Variants in SLC1A3 observed in about 807,000 individuals in gnomAD.
SLC1A3 encodes excitatory amino acid transporter 1.
In SLC1A3, 21 loss-of-function variants were observed where a neutral mutation model predicts 48.1. That is an observed-to-expected ratio of 0.44 (90% confidence interval 0.31 to 0.63). The LOEUF (loss-of-function observed/expected upper bound fraction) is 0.63, where lower values mean the gene tolerates loss of function less well. Ranked by LOEUF, SLC1A3 falls within the 20% of genes least tolerant of loss-of-function variation. SLC1A3 has a pLI of 0.08. For missense variants in SLC1A3, 546 were observed against 689.0 expected (o/e 0.79, Z 2.32); for synonymous variants, 239 against 251.4 (o/e 0.95, Z 0.47).
chr5:36,597,652 T>C (rs534224272), intron 1 of SLC1A3, among the ~76,000 whole-genome samples: 8 of 152,226 alleles, frequency 5.3e-5, no homozygotes, highest in African/African-American at 1.9e-4. Flanking sequence ...GACTTGGAAC[T>C]CTCTCCTCAG....
chr5:36,650,769 C>T (rs1357859686), intron 3 of SLC1A3, among the ~76,000 whole-genome samples: 1 of 152,210 alleles, frequency 6.6e-6, no homozygotes, highest in African/African-American at 2.4e-5. Context: ...AAAGCTGGTA[C>T]AAGTCAATTG....
intron 3 of SLC1A3, among the ~76,000 whole-genome samples, chr5:36,639,830 G>C (rs116126990): frequency 1.3e-5 from 2 of 152,140 alleles, no homozygotes; most frequent in Non-Finnish European, 2.9e-5. Context: ...AGTACGCTGC[G>C]CATGCACGCA....
At chr5:36,663,086 T>C (rs945972429) in intron 3 of SLC1A3, among the ~76,000 whole-genome samples, 1 of 152,240 alleles carries the variant, frequency 6.6e-6, no homozygotes, top group Non-Finnish European at 1.5e-5. Flanking sequence ...AGACCGAGGA[T>C]ACAGTGATTT....
intron 2 of SLC1A3, among the ~76,000 whole-genome samples, chr5:36,620,924 T>A (rs1464871938): frequency 1.3e-5 from 2 of 151,886 alleles, no homozygotes; most frequent in African/African-American, 4.8e-5. Flanking sequence ...TTTTTTTTTT[T>A]AGGCAGGGTC....
chr5:36,621,487 C>T (rs1320029292), intron 2 of SLC1A3, among the ~76,000 whole-genome samples: 1 of 152,006 alleles, frequency 6.6e-6, no homozygotes, highest in Non-Finnish European at 1.5e-5. Flanking sequence ...GGAGAGAGAT[C>T]CTGACCTAGG....
chr5:36,680,296 C>A, intron 7 of SLC1A3, 99 bp from the exon 8 acceptor site: 1 of 981,912 alleles, frequency 1.0e-6, no homozygotes, highest in Non-Finnish European at 1.6e-6. Flanking sequence ...TAAGTTAGAA[C>A]ATGGGAGAGG....
At chr5:36,628,177 A>AT (rs1008383045) in intron 2 of SLC1A3, among the ~76,000 whole-genome samples, 8 of 152,028 alleles carry the variant, frequency 5.3e-5, no homozygotes, top group East Asian at 1.9e-4. Context: ...GGTCAGCTGG[A>AT]TTTTTTTTAG....
chr5:36,614,956 G>A (rs547327694), intron 2 of SLC1A3, among the ~76,000 whole-genome samples: 2 of 152,296 alleles, frequency 1.3e-5, no homozygotes, highest in East Asian at 1.9e-4. Flanking sequence ...AAACAGAGCA[G>A]GCAATTTCAA....
chr5:36,597,251 T>TTTTTC, intron 1 of SLC1A3, among the ~76,000 whole-genome samples: 1 of 117,404 alleles, frequency 8.5e-6, no homozygotes, highest in Non-Finnish European at 1.8e-5. Context: ...TTTTTTTTTT[T>TTTTTC]TTTTTTTTTT....
At chr5:36,644,490 A>C (rs1740757901) in intron 3 of SLC1A3, among the ~76,000 whole-genome samples, 1 of 152,248 alleles carries the variant, frequency 6.6e-6, no homozygotes, top group Non-Finnish European at 1.5e-5. Context: ...GTTAATTACA[A>C]AAGTAAAGCA....
intron 3 of SLC1A3, chr5:36,667,638 A>G (rs1741807266): frequency 6.6e-6 from 1 of 152,182 alleles, no homozygotes; most frequent in Non-Finnish European, 1.5e-5. Context: ...ATTGTCATGG[A>G]ATTAAATGAC....
At chr5:36,626,639 C>T (rs539728765) in intron 2 of SLC1A3, among the ~76,000 whole-genome samples, 68 of 152,286 alleles carry the variant, frequency 4.5e-4, no homozygotes, top group African/African-American at 1.6e-3. Context: ...CAGAAAGACA[C>T]ATCATCAATT....
chr5:36,636,495 C>CTTTTT (rs1274666599), intron 3 of SLC1A3: 3 of 114,088 alleles, frequency 2.6e-5, no homozygotes, highest in African/African-American at 9.1e-5. Context: ...TTCTTTCTTT[C>CTTTTT]TTTCTTTCTT....
intron 2 of SLC1A3, among the ~76,000 whole-genome samples, chr5:36,626,094 G>A (rs1739892116): frequency 6.6e-6 from 1 of 152,158 alleles, no homozygotes; most frequent in Admixed American, 6.5e-5. Flanking sequence ...ATAAAAATTG[G>A]TTGCACTGAG....
At chr5:36,684,139 G>C in intron 9 of SLC1A3, 141 bp downstream of exon 9, 1 of 1,092,306 alleles carries the variant, frequency 9.2e-7, no homozygotes, top group Non-Finnish European at 1.4e-6. Context: ...TGTCCTTATT[G>C]TCTGACCCCT....
intron 3 of SLC1A3, among the ~76,000 whole-genome samples, chr5:36,641,347 G>A (rs1375504850): frequency 6.6e-6 from 1 of 152,038 alleles, no homozygotes; most frequent in African/African-American, 2.4e-5. Flanking sequence ...CTTTTCCCGA[G>A]TTTGTTTCTG....
chr5:36,672,907 A>G (rs756067614), intron 4 of SLC1A3, among the ~76,000 whole-genome samples: 4 of 152,188 alleles, frequency 2.6e-5, no homozygotes, highest in Non-Finnish European at 4.4e-5. Context: ...GATTAGAAGT[A>G]TTTTATTATA....
intron 3 of SLC1A3, among the ~76,000 whole-genome samples, chr5:36,651,133 G>GT (rs1284541047): frequency 3.3e-5 from 3 of 89,762 alleles, no homozygotes; most frequent in Non-Finnish European, 4.1e-5. Context: ...GGGAAACTAA[G>GT]TTTTTTTTAA....
intron 3 of SLC1A3, among the ~76,000 whole-genome samples, chr5:36,651,141 TAAAAAAAA>T (rs58660599): frequency 5.2e-5 from 6 of 114,578 alleles, no homozygotes; most frequent in South Asian, 2.9e-4. Context: ...AAGTTTTTTT[TAAAAAAAA>T]AAAAAAAAAA....
Sources: gnomAD v4.1 joint callset for allele counts (sites outside exome capture counted in the v4.1 genomes callset) on GRCh38, gnomAD v4.1.1 for gene constraint, MANE v1.5 for transcripts, NCBI Gene and HGNC (gene_info 2026-07-23, HGNC 2026-07-21) for gene names.